Variants in PRKD3 observed in about 807,000 individuals in gnomAD.
PRKD3 encodes the protein serine/threonine-protein kinase D3.
PRKD3 carries 47 observed loss-of-function variants against 99.2 expected under a neutral mutation model. That is an observed-to-expected ratio of 0.47 (90% CI 0.38 to 0.60). The LOEUF (loss-of-function observed/expected upper bound fraction) is 0.60, where lower values mean the gene tolerates loss of function less well. PRKD3 is among the 20% of genes least tolerant of loss of function. PRKD3 has a pLI of 0.00. For missense variants in PRKD3, 1,019 were observed against 1,088.4 expected, an observed-to-expected ratio of 0.94 and a Z score of 0.90; for synonymous variants, 392 against 355.4, an observed-to-expected ratio of 1.10 and a Z score of -1.16.
At chr2:37,306,215 G>T (rs774629842) in intron 2 of PRKD3, among the ~76,000 whole-genome samples, 1 of 152,100 alleles carries the variant, frequency 6.6e-6, no homozygotes, top group Non-Finnish European at 1.5e-5. Context: ...GTAATCAGGC[G>T]TTAAGTGGCC....
At chr2:37,260,859 T>G (rs1668382994) in intron 14 of PRKD3, among the ~76,000 whole-genome samples, 1 of 152,214 alleles carries the variant, frequency 6.6e-6, no homozygotes, top group Non-Finnish European at 1.5e-5. Flanking sequence ...TAATTCCCTT[T>G]TTTTAGGCTC....
In PRKD3 at chr2:37,309,412, T is replaced by C. The variant is rs532242859; in HGVS notation, c.288+6825A>G. On this transcript the variant is annotated intron_variant, in intron 2 of 18. Transcript: ENST00000234179. Reference sequence around the variant, plus strand: ...GTATACAATGCAAGAATATCTCAAATAACAGCCTAAGGGTACAGAAATACA... The same window carrying C: ...GTATACAATGCAAGAATATCTCAAACAACAGCCTAAGGGTACAGAAATACA... 5.9e-5 allele frequency among the ~76,000 whole-genome samples: 9 copies of C among 152,312 alleles called. No homozygotes were observed. In the South Asian group the frequency reaches 1.9e-3, roughly 32 times the overall value.
At chr2:37,320,868 A>C (rs58283784) in intron 1 of PRKD3, among the ~76,000 whole-genome samples, 6,388 of 152,316 alleles carry the variant, frequency 0.042, 359 homozygotes, top group African/African-American at 0.13. Context: ...AATAAACACT[A>C]CATATAAAAA....
At chr2:37,282,488 A>C in intron 7 of PRKD3, 54 bp downstream of exon 7, 1 of 1,147,504 alleles carries the variant, frequency 8.7e-7, no homozygotes, top group East Asian at 2.3e-5. Context: ...ATAATACACC[A>C]AAGAATCATG....
intron 17 of PRKD3, among the ~76,000 whole-genome samples, 159 bp downstream of exon 17, chr2:37,256,503 T>C (rs1667951707): frequency 6.6e-6 from 1 of 151,786 alleles, no homozygotes; most frequent in Non-Finnish European, 1.5e-5. Flanking sequence ...AAAAGAAGAG[T>C]GCTCAAAAAA....
At chr2:37,303,789 A>G (rs1448347177) in intron 2 of PRKD3, among the ~76,000 whole-genome samples, 12 of 152,164 alleles carry the variant, frequency 7.9e-5, no homozygotes, top group African/African-American at 2.7e-4. Flanking sequence ...TCTAAATGCA[A>G]TGGGAAACGA....
intron 12 of PRKD3, 68 bp from the exon 13 acceptor site, chr2:37,269,755 C>G (rs1456029360): frequency 3.5e-6 from 4 of 1,134,706 alleles, no homozygotes; most frequent in Non-Finnish European, 5.2e-6. Flanking sequence ...CTCTGACTTT[C>G]TTCATCCAAA....
intron 1 of PRKD3, chr2:37,324,150 G>A: frequency 1.0e-6 from 1 of 983,468 alleles, no homozygotes; most frequent in Non-Finnish European, 1.2e-6. Context: ...AAACGCAGTC[G>A]GGATACTGGG....
chr2:37,285,042 T>C (rs952911524), intron 6 of PRKD3, among the ~76,000 whole-genome samples: 1 of 152,176 alleles, frequency 6.6e-6, no homozygotes, highest in Non-Finnish European at 1.5e-5. Flanking sequence ...TCAACCCTAA[T>C]GTTTTATTTA....
At chr2:37,298,753 C>T (rs754205964) in intron 2 of PRKD3, among the ~76,000 whole-genome samples, 9 of 152,134 alleles carry the variant, frequency 5.9e-5, no homozygotes, top group Non-Finnish European at 1.2e-4. Flanking sequence ...AGAAATGCTA[C>T]TGATTTCTGT....
intron 7 of PRKD3, 39 bp from the exon 8 acceptor site, chr2:37,279,968 A>G: frequency 7.2e-7 from 1 of 1,394,230 alleles, no homozygotes; most frequent in Non-Finnish European, 9.9e-7. Context: ...TTTTATATTA[A>G]TAGAGGAAGT....
intron 4 of PRKD3, among the ~76,000 whole-genome samples, chr2:37,290,498 T>C (rs1002466088): frequency 6.6e-6 from 1 of 152,208 alleles, no homozygotes; most frequent in Non-Finnish European, 1.5e-5. Context: ...CATCCCAAAG[T>C]GCTAGGATTA....
chr2:37,255,642 A>T (rs1041586814), intron 17 of PRKD3, among the ~76,000 whole-genome samples: 7 of 152,338 alleles, frequency 4.6e-5, no homozygotes, highest in Admixed American at 4.6e-4. Context: ...GGAGCTAGGT[A>T]TTCATTCACG....
At chr2:37,287,709 G>A (rs772401698) in intron 5 of PRKD3, among the ~76,000 whole-genome samples, 1 of 152,186 alleles carries the variant, frequency 6.6e-6, no homozygotes, top group Non-Finnish European at 1.5e-5. Flanking sequence ...ATCGGTGAAT[G>A]TGTGTTGAAT....
chr2:37,311,269 C>T (rs1479889336), intron 2 of PRKD3, among the ~76,000 whole-genome samples: 1 of 152,180 alleles, frequency 6.6e-6, no homozygotes, highest in African/African-American at 2.4e-5. Flanking sequence ...ATATTTCCAA[C>T]AAGGTGACAG....
At chr2:37,276,234 GC>G (rs1669564745) in intron 9 of PRKD3, among the ~76,000 whole-genome samples, 1 of 151,990 alleles carries the variant, frequency 6.6e-6, no homozygotes, top group African/African-American at 2.4e-5. Context: ...ATGTAATTTT[GC>G]CTGATAGTGT....
intron 17 of PRKD3, among the ~76,000 whole-genome samples, 191 bp from the exon 18 acceptor site, chr2:37,254,480 T>A (rs1194276135): frequency 1.3e-5 from 2 of 152,158 alleles, no homozygotes; most frequent in African/African-American, 4.8e-5. Context: ...ATCTGTCAAA[T>A]TTTCATTGCC....
intron 2 of PRKD3, among the ~76,000 whole-genome samples, chr2:37,313,120 T>C (rs1671510300): frequency 6.6e-6 from 1 of 152,176 alleles, no homozygotes; most frequent in Non-Finnish European, 1.5e-5. Context: ...TTCCAAACAT[T>C]TTCTGCAACA....
At chr2:37,272,584 C>A in intron 11 of PRKD3, 152 bp from the exon 12 acceptor site, 1 of 957,970 alleles carries the variant, frequency 1.0e-6, no homozygotes, top group Non-Finnish European at 1.5e-6. Flanking sequence ...TACAACCCAT[C>A]AACAGGAAAC....
Sources: allele counts gnomAD v4.1 joint callset (sites outside exome capture counted in the v4.1 genomes callset), GRCh38; gene constraint gnomAD v4.1.1; transcripts MANE v1.5; gene names NCBI Gene and HGNC (gene_info 2026-07-23, HGNC 2026-07-21).